Variants in CUX1 observed in about 807,000 individuals in gnomAD.
CUX1 encodes the protein protein CASP.
CUX1 carries 31 observed loss-of-function variants against 158.8 expected under a neutral mutation model. That is an observed-to-expected ratio of 0.20 (90% CI 0.15 to 0.26). The LOEUF (loss-of-function observed/expected upper bound fraction) is 0.26, where lower values mean the gene tolerates loss of function less well. Ranked by LOEUF, CUX1 falls within the 10% of genes least tolerant of loss-of-function variation. The probability of loss-of-function intolerance (pLI) is 1.00; values close to 1 mark genes in which losing one functional copy is unlikely to be tolerated. For missense variants in CUX1, 1,589 were observed against 2,014.6 expected (o/e 0.79, Z 4.04); for synonymous variants, 879 against 862.1 (o/e 1.02, Z -0.34).
intron 2 of CUX1, among the ~76,000 whole-genome samples, chr7:102,012,705 CGGGGGGA>C (rs1818173166): frequency 7.8e-6 from 1 of 127,820 alleles, no homozygotes; most frequent in African/African-American, 3.3e-5. Context: ...AGAGTGGGGG[CGGGGGGA>C]GGGGGTTGTC....
At chr7:102,061,541 G>GA (rs1483685932) in intron 3 of CUX1, among the ~76,000 whole-genome samples, 2 of 152,152 alleles carry the variant, frequency 1.3e-5, no homozygotes, top group Admixed American at 6.5e-5. Context: ...CTTTGCAGAT[G>GA]AAAAAACTGA....
At position 102,201,370 on chromosome 7, in the gene CUX1, C is replaced by G; in HGVS notation, c.2073C>G (p.Ala691=). 6.2e-7 allele frequency: 1 copy of G among 1,613,320 alleles called. No homozygotes were observed. The highest frequency in any genetic ancestry group is 2.2e-5 in the East Asian group (1 of 44,872). The change falls in exon 18 of 24, where the codon GCC becomes GCG. Residue 691 remains alanine, a synonymous_variant. Coordinates refer to ENST00000292535, the MANE Select transcript of CUX1 (RefSeq NM_181552.4). The surrounding 1 kb of genome is among the most constrained non-coding windows in gnomAD (Gnocchi z 5.0). ...TGTTTCTCCATGCAGCAGAGCCGGC[C>G]CAGCCTTCCTCCGCATCCGGCAGCG... The part of the protein sequence containing the change: ...ELQVQKTAEP[A]QPSSASGSGN...
chr7:101,918,186 G>A (rs1804461756), intron 2 of CUX1, among the ~76,000 whole-genome samples: 2 of 152,190 alleles, frequency 1.3e-5, no homozygotes, highest in South Asian at 4.1e-4. Flanking sequence ...TGGAGGAGGA[G>A]CGTGTCCCCC....
chr7:102,153,502 C>T (rs992944309), intron 8 of CUX1: 7 of 152,230 alleles, frequency 4.6e-5, no homozygotes, highest in African/African-American at 1.2e-4. Context: ...CTGCTGCTCC[C>T]GGAAGAGTCA....
intron 2 of CUX1, among the ~76,000 whole-genome samples, chr7:101,993,331 AAAAT>A (rs36140974): frequency 0.29 from 44,206 of 151,168 alleles, 6,944 homozygotes; most frequent in African/African-American, 0.38. Flanking sequence ...CTCCGTCTCA[AAAAT>A]AAATAAATAA....
At chr7:101,986,921 C>T (rs1006278334) in intron 2 of CUX1, among the ~76,000 whole-genome samples, 3 of 152,162 alleles carry the variant, frequency 2.0e-5, no homozygotes, top group African/African-American at 4.8e-5. Context: ...CAAGCCAGCT[C>T]CTGCCCTGGA....
chr7:102,187,410 T>G (rs2131871131), intron 11 of CUX1, among the ~76,000 whole-genome samples: 1 of 152,220 alleles, frequency 6.6e-6, no homozygotes, highest in South Asian at 2.1e-4. Flanking sequence ...GGTTCTTTGC[T>G]TTGTGCAAAC....
At chr7:102,145,854 GGAGAAT>G (rs775465117) in intron 8 of CUX1, among the ~76,000 whole-genome samples, 25 of 152,132 alleles carry the variant, frequency 1.6e-4, no homozygotes, top group South Asian at 4.1e-4. Context: ...GACTGAGGGA[GGAGAAT>G]TGCTTGAACC....
At chr7:102,103,085 G>A (rs1156565093) in intron 5 of CUX1, among the ~76,000 whole-genome samples, 4 of 152,116 alleles carry the variant, frequency 2.6e-5, no homozygotes, top group Admixed American at 2.0e-4. Flanking sequence ...CTGGACCTGC[G>A]CTTTCCCAAG....
intron 22 of CUX1, among the ~76,000 whole-genome samples, chr7:102,238,869 A>C (rs978413829): frequency 1.7e-4 from 26 of 152,148 alleles, no homozygotes; most frequent in African/African-American, 6.3e-4. Flanking sequence ...CTCTCATCTT[A>C]GCGTTGTTTC....
At chr7:102,047,293 A>T (rs1333215023) in intron 3 of CUX1, among the ~76,000 whole-genome samples, 2 of 151,874 alleles carry the variant, frequency 1.3e-5, no homozygotes, top group Middle Eastern at 3.2e-3. Context: ...GTGTGGGTGG[A>T]TGGATGATTT....
intron 21 of CUX1, among the ~76,000 whole-genome samples, chr7:102,230,512 A>G (rs75886201): frequency 2.6e-5 from 4 of 151,482 alleles, no homozygotes. Flanking sequence ...AAAAAAAAAA[A>G]GAACAGAGTA....
chr7:101,940,974 T>G (rs1275556066), intron 2 of CUX1, among the ~76,000 whole-genome samples: 1 of 152,330 alleles, frequency 6.6e-6, no homozygotes, highest in African/African-American at 2.4e-5. Flanking sequence ...GGCTCTGCAT[T>G]TCTCTTGTAG....
chr7:102,244,107 G>A (rs1484695830), intron 23 of CUX1, among the ~76,000 whole-genome samples: 1 of 152,162 alleles, frequency 6.6e-6, no homozygotes, highest in Non-Finnish European at 1.5e-5. Context: ...TGCAGACTGA[G>A]TTTCTTCTCC....
intron 2 of CUX1, chr7:101,932,522 T>A (rs1806403818): frequency 4.5e-6 from 2 of 448,736 alleles, no homozygotes; most frequent in Non-Finnish European, 9.0e-6. Flanking sequence ...GCTCGTTCAG[T>A]TACATGTGCT....
At chr7:101,874,299 G>T (rs1376286023) in intron 1 of CUX1, among the ~76,000 whole-genome samples, 1 of 152,136 alleles carries the variant, frequency 6.6e-6, no homozygotes, top group Admixed American at 6.5e-5. Flanking sequence ...AGGAAATAAG[G>T]GCTTAATATG....
chr7:101,931,479 G>A (rs1238549853), intron 2 of CUX1, among the ~76,000 whole-genome samples: 1 of 152,188 alleles, frequency 6.6e-6, no homozygotes, highest in East Asian at 1.9e-4. Context: ...CTACGAAACA[G>A]GTACAGTGTT....
chr7:102,104,313 G>GTTTTTTTTT, intron 5 of CUX1, 23 bp from the exon 6 acceptor site: 3 of 1,389,462 alleles, frequency 2.2e-6, no homozygotes, highest in African/African-American at 1.5e-5. Context: ...CTTACTGTAG[G>GTTTTTTTTT]TTTTTTTTTT....
chr7:102,082,282 T>C (rs1309626762), intron 4 of CUX1, among the ~76,000 whole-genome samples: 1 of 146,608 alleles, frequency 6.8e-6, no homozygotes, highest in African/African-American at 2.4e-5. Flanking sequence ...TCCCACCACT[T>C]TGGGAGGCTG....
Sources: gnomAD v4.1 joint callset for allele counts (sites outside exome capture counted in the v4.1 genomes callset) on GRCh38, gnomAD v4.1.1 for gene constraint, Gnocchi (gnomAD v3.1) non-coding constraint, MANE v1.5 for transcripts, NCBI Gene and HGNC (gene_info 2026-07-23, HGNC 2026-07-21) for gene names.